The following GABRB2 variants were observed in gnomAD, a reference collection of about 807,000 sequenced individuals.
GABRB2 encodes gamma-aminobutyric acid receptor subunit beta-2.
GABRB2 carries 16 observed loss-of-function variants against 54.7 expected under a neutral mutation model. That is an observed-to-expected ratio of 0.29 (90% confidence interval 0.20 to 0.44). The LOEUF (loss-of-function observed/expected upper bound fraction) is 0.44, where lower values mean the gene tolerates loss of function less well. GABRB2 is among the 20% of genes least tolerant of loss of function. GABRB2 has a pLI of 1.00. For synonymous variants in GABRB2, 244 were observed against 233.8 expected (o/e 1.04, Z -0.40); for missense variants, 355 against 644.0 (o/e 0.55, Z 4.86).
rs181243026 is a variant in GABRB2, at chr5:161,301,095, C to T, written c.1192-6667G>A. ...AATTAGGGATAGTTAGCAATTGGCC[C>T]GGAGTTACACAGTAAGCAATGGAGC... On this transcript the variant is annotated intron_variant, in intron 9 of 9. Transcript: ENST00000393959. Among the ~76,000 whole-genome samples, 21 of 152,176 alleles carry T rather than the reference C, an allele frequency of 1.4e-4. No homozygotes were observed. In the South Asian group the frequency reaches 2.1e-3, roughly 15 times the overall value.
intron 3 of GABRB2, among the ~76,000 whole-genome samples, chr5:161,544,017 T>C (rs970982043): frequency 1.3e-5 from 2 of 152,218 alleles, no homozygotes; most frequent in Non-Finnish European, 1.5e-5. Flanking sequence ...TTCAGAATCT[T>C]ATGAAATCTC....
chr5:161,533,027 T>G (rs1760512763), intron 3 of GABRB2, among the ~76,000 whole-genome samples: 1 of 152,138 alleles, frequency 6.6e-6, no homozygotes, highest in Non-Finnish European at 1.5e-5. Context: ...AATGGTTGCC[T>G]TTGTGTTAGG....
chr5:161,422,351 A>C (rs1282148889), intron 4 of GABRB2, among the ~76,000 whole-genome samples: 1 of 152,104 alleles, frequency 6.6e-6, no homozygotes, highest in East Asian at 1.9e-4. Context: ...TACTATATAG[A>C]TGTAAATGTA....
upstream of GABRB2, chr5:161,546,768 G>A (rs1760999587): frequency 2.7e-6 from 4 of 1,496,942 alleles, no homozygotes; most frequent in Non-Finnish European, 2.7e-6. Flanking sequence ...AAGGGGAAGC[G>A]GCGGCTGCCG....
intron 3 of GABRB2, among the ~76,000 whole-genome samples, chr5:161,476,581 C>T (rs966584646): frequency 1.3e-5 from 2 of 151,718 alleles, no homozygotes; most frequent in Non-Finnish European, 2.9e-5. Context: ...GTGGTAGGGG[C>T]ATAAACACAA....
chr5:161,416,867 G>A lies in GABRB2; in HGVS notation c.459-5810C>T, dbSNP rs1306002620. Among the ~76,000 whole-genome samples the A allele has an allele frequency of 2.0e-5, 3 of 151,806 alleles. No homozygotes were observed. In the East Asian group the frequency reaches 5.8e-4, roughly 29 times the overall value. Reference sequence around the variant, plus strand: ...TAAAGACATTCTCCAGCATTAGTGGGCATCAGTTACTAAAGAAAAATTAAC... The same window carrying A: ...TAAAGACATTCTCCAGCATTAGTGGACATCAGTTACTAAAGAAAAATTAAC... On this transcript the variant is annotated intron_variant, in intron 4 of 9. Coordinates refer to ENST00000393959, the MANE Select transcript of GABRB2 (RefSeq NM_001371727.1).
intron 3 of GABRB2, among the ~76,000 whole-genome samples, chr5:161,531,768 A>C (rs543314668): frequency 1.3e-5 from 2 of 152,070 alleles, no homozygotes; most frequent in Admixed American, 1.3e-4. Flanking sequence ...CAGGGTGAAT[A>C]TGAGATGAAA....
intron 3 of GABRB2, among the ~76,000 whole-genome samples, chr5:161,466,660 G>A (rs1758286863): frequency 2.0e-5 from 3 of 152,028 alleles, no homozygotes; most frequent in Admixed American, 2.0e-4. Flanking sequence ...CTATAGAACT[G>A]CATTCTGGAT....
In GABRB2 at chr5:161,459,781, T is replaced by C. The variant is rs2113264009; in HGVS notation, c.301A>G (p.Ile101Val). Residue 101 changes from isoleucine to valine, a missense_variant, in exon 4 of 10, where the codon ATA becomes GTA. Coordinates refer to ENST00000393959, the MANE Select transcript of GABRB2 (RefSeq NM_001371727.1). ...WRDKRLSYNV[I>V]PLNLTLDNRV... Reference sequence around the variant, plus strand: ...TTGTCCAGAGTCAAGTTTAAAGGTATTACATTATAGGACAGCCTCTTATCT... The same window carrying C: ...TTGTCCAGAGTCAAGTTTAAAGGTACTACATTATAGGACAGCCTCTTATCT... The C allele has an allele frequency of 6.2e-7, 1 of 1,613,894 alleles. No individual in the cohort carries two copies. Among genetic ancestry groups the C allele is most frequent in the South Asian group, 1.1e-5 (1 of 91,074 alleles).
At chr5:161,365,564 A>T (rs926697576) in intron 5 of GABRB2, among the ~76,000 whole-genome samples, 9 of 152,172 alleles carry the variant, frequency 5.9e-5, no homozygotes, top group Admixed American at 5.2e-4. Context: ...ACACTTATCA[A>T]TTTTTTGTGT....
At chr5:161,392,871 T>A (rs1416026701) in intron 5 of GABRB2, among the ~76,000 whole-genome samples, 4 of 152,126 alleles carry the variant, frequency 2.6e-5, no homozygotes, top group African/African-American at 7.2e-5. Flanking sequence ...CATAAAAAAA[T>A]TATTAATGGG....
At chr5:161,310,268 G>T (rs944455636) in intron 9 of GABRB2, among the ~76,000 whole-genome samples, 2 of 152,058 alleles carry the variant, frequency 1.3e-5, no homozygotes, top group African/African-American at 4.8e-5. Context: ...CATGACACAA[G>T]CTTACCTATG....
At chr5:161,547,528 C>G (rs185428809), upstream of GABRB2, among the ~76,000 whole-genome samples, 2 of 151,362 alleles carry the variant, frequency 1.3e-5, no homozygotes, top group South Asian at 2.1e-4. Context: ...GTTTTCTCGC[C>G]GTGTGACGTT....
At chr5:161,499,170 G>A (rs115389315) in intron 3 of GABRB2, among the ~76,000 whole-genome samples, 40 of 152,046 alleles carry the variant, frequency 2.6e-4, no homozygotes, top group African/African-American at 6.3e-4. Flanking sequence ...TGACTCTGCC[G>A]GACTTCGTAG....
chr5:161,309,297 C>G (rs538710538), intron 9 of GABRB2, among the ~76,000 whole-genome samples: 3 of 152,118 alleles, frequency 2.0e-5, no homozygotes, highest in South Asian at 4.2e-4. Flanking sequence ...CAAATCAAAA[C>G]CACAATGAGA....
chr5:161,312,191 A>G lies in GABRB2; in HGVS notation c.1191+14177T>C, dbSNP rs543309470. Among the ~76,000 whole-genome samples, 14 of 152,272 alleles carry G rather than the reference A, an allele frequency of 9.2e-5. No homozygotes were observed. In the South Asian group the frequency reaches 2.3e-3, roughly 25 times the overall value. On this transcript the variant is annotated intron_variant, in intron 9 of 9. Coordinates refer to ENST00000393959, the MANE Select transcript of GABRB2 (RefSeq NM_001371727.1). ...CTGATGGCTTCTGTGCATTTGGCCA[A>G]TTACACAGTGAATTACCCCAGTGAG...
chr5:161,464,165 A>G (rs1445717290), intron 3 of GABRB2, among the ~76,000 whole-genome samples: 1 of 152,056 alleles, frequency 6.6e-6, no homozygotes, highest in East Asian at 1.9e-4. Flanking sequence ...GAAAATATAA[A>G]CTACAGACTG....
At chr5:161,319,402 ATATAT>A (rs1193626226) in intron 9 of GABRB2, among the ~76,000 whole-genome samples, 5 of 147,596 alleles carry the variant, frequency 3.4e-5, no homozygotes, top group South Asian at 2.1e-4. Context: ...TAATATAAAA[ATATAT>A]TATATATATT....
chr5:161,504,636 A>G (rs1280438805), intron 3 of GABRB2, among the ~76,000 whole-genome samples: 2 of 152,092 alleles, frequency 1.3e-5, no homozygotes, highest in African/African-American at 4.8e-5. Context: ...ATAAACCTTA[A>G]CGAATTTTAA....
Sources: gnomAD v4.1 joint callset for allele counts (sites outside exome capture counted in the v4.1 genomes callset) on GRCh38, gnomAD v4.1.1 for gene constraint, MANE v1.5 for transcripts, NCBI Gene and HGNC (gene_info 2026-07-23, HGNC 2026-07-21) for gene names.